The following PRKCH variants were observed in gnomAD, a reference collection of about 807,000 sequenced individuals.
PRKCH encodes protein kinase C eta, also known as protein kinase C eta type.
PRKCH carries 28 observed loss-of-function variants against 82.5 expected under a neutral mutation model. The observed-to-expected ratio is 0.34, with a 90% confidence interval of 0.25 to 0.47. PRKCH has a LOEUF of 0.47. Ranked by LOEUF, PRKCH falls within the 20% of genes least tolerant of loss-of-function variation. The pLI, the probability that PRKCH is intolerant of heterozygous loss-of-function variation, is 1.00. For synonymous variants in PRKCH, 322 were observed against 327.4 expected, an observed-to-expected ratio of 0.98 and a Z score of 0.18; for missense variants, 705 against 881.8, an observed-to-expected ratio of 0.80 and a Z score of 2.54.
At chr14:61,393,497 G>A (rs2046719440) in intron 2 of PRKCH, among the ~76,000 whole-genome samples, 1 of 152,182 alleles carries the variant, frequency 6.6e-6, no homozygotes, top group Admixed American at 6.5e-5. Context: ...GGTGTTTTAA[G>A]CCCATTAATT....
intron 9 of PRKCH, among the ~76,000 whole-genome samples, chr14:61,478,422 G>A (rs1885823956): frequency 6.6e-6 from 1 of 152,152 alleles, no homozygotes; most frequent in South Asian, 2.1e-4. Context: ...ATATAATGTA[G>A]TGGTACCAAT....
At chr14:61,440,516 T>C (rs1883906714) in intron 2 of PRKCH, among the ~76,000 whole-genome samples, 1 of 152,258 alleles carries the variant, frequency 6.6e-6, no homozygotes, top group Admixed American at 6.5e-5. Context: ...TGCATTTCAC[T>C]CTTTGAGATC....
chr14:61,324,431 A>T (rs2045669186), intron 1 of PRKCH, among the ~76,000 whole-genome samples: 1 of 152,196 alleles, frequency 6.6e-6, no homozygotes, highest in South Asian at 2.1e-4. Flanking sequence ...ATGCGTTTGC[A>T]TGCATCAGAA....
At chr14:61,218,088 C>A (rs2044627642) in intron 1 of PRKCH, among the ~76,000 whole-genome samples, 1 of 152,184 alleles carries the variant, frequency 6.6e-6, no homozygotes, top group Non-Finnish European at 1.5e-5. Context: ...ACTTCTCTTT[C>A]ATTTCTATTC....
intron 10 of PRKCH, among the ~76,000 whole-genome samples, chr14:61,521,437 A>G (rs2042905296): frequency 6.6e-6 from 1 of 152,172 alleles, no homozygotes; most frequent in Non-Finnish European, 1.5e-5. Context: ...TTTGTAAAAT[A>G]AGATTCTTAA....
intron 9 of PRKCH, among the ~76,000 whole-genome samples, chr14:61,471,370 T>C (rs1885496797): frequency 6.6e-6 from 1 of 152,212 alleles, no homozygotes; most frequent in African/African-American, 2.4e-5. Flanking sequence ...TTTTCTCTTC[T>C]GGAAGCTCAT....
chr14:61,471,898 A>C (rs1156870772), intron 9 of PRKCH, among the ~76,000 whole-genome samples: 1 of 152,118 alleles, frequency 6.6e-6, no homozygotes, highest in Non-Finnish European at 1.5e-5. Flanking sequence ...TGAAAAGTCA[A>C]ATGGGTTAGA....
chr14:61,294,374 C>T (rs1410324978), intron 1 of PRKCH, among the ~76,000 whole-genome samples: 1 of 152,130 alleles, frequency 6.6e-6, no homozygotes, highest in East Asian at 1.9e-4. Context: ...CCCGCCTCGG[C>T]CTCCCAAAGT....
intron 9 of PRKCH, among the ~76,000 whole-genome samples, chr14:61,469,721 T>C (rs1885413036): frequency 6.6e-6 from 1 of 152,230 alleles, no homozygotes; most frequent in Non-Finnish European, 1.5e-5. Context: ...CATCCATCTC[T>C]TCTAGGTCCG....
intron 1 of PRKCH, among the ~76,000 whole-genome samples, chr14:61,282,882 A>G (rs912170114): frequency 1.3e-5 from 2 of 152,192 alleles, no homozygotes; most frequent in African/African-American, 4.8e-5. Context: ...GCAAGTTCCC[A>G]CAGTGTGATC....
intron 10 of PRKCH, among the ~76,000 whole-genome samples, chr14:61,517,193 C>T (rs989514878): frequency 1.3e-5 from 2 of 152,278 alleles, no homozygotes; most frequent in South Asian, 4.1e-4. Context: ...TGAGGCTGGT[C>T]CCGTAAATTC....
chr14:61,202,142 C>G (rs2044486463), intron 1 of PRKCH, among the ~76,000 whole-genome samples: 2 of 152,178 alleles, frequency 1.3e-5, no homozygotes, highest in Admixed American at 1.3e-4. Flanking sequence ...ACCACAGCCC[C>G]CCAGGGGGCT....
intron 11 of PRKCH, 54 bp downstream of exon 11, chr14:61,529,267 A>T: frequency 6.5e-7 from 1 of 1,543,140 alleles, no homozygotes; most frequent in South Asian, 1.2e-5. Flanking sequence ...AGTAACTCTG[A>T]CCAGAAATGC....
intron 1 of PRKCH, among the ~76,000 whole-genome samples, chr14:61,198,634 T>C (rs950228785): frequency 6.6e-6 from 1 of 152,168 alleles, no homozygotes; most frequent in Non-Finnish European, 1.5e-5. Context: ...TGAAACATAG[T>C]AGATGTTCAA....
At chr14:61,214,341 A>G (rs1292450089) in intron 1 of PRKCH, among the ~76,000 whole-genome samples, 2 of 152,098 alleles carry the variant, frequency 1.3e-5, no homozygotes, top group African/African-American at 2.4e-5. Flanking sequence ...GTCAGGGTTA[A>G]GAGTTTGGAA....
chr14:61,303,419 C>T (rs903360058), intron 1 of PRKCH: 1 of 152,120 alleles, frequency 6.6e-6, no homozygotes, highest in African/African-American at 2.4e-5. Context: ...GATGAAATGA[C>T]CATTTTTCAT....
chr14:61,234,127 A>G (rs141309981), intron 1 of PRKCH, among the ~76,000 whole-genome samples: 3 of 152,180 alleles, frequency 2.0e-5, no homozygotes, highest in Non-Finnish European at 2.9e-5. Context: ...TTTTACCACT[A>G]GGCAATATAG....
chr14:61,296,262 G>C (rs577939135), intron 1 of PRKCH, among the ~76,000 whole-genome samples: 6 of 152,132 alleles, frequency 3.9e-5, no homozygotes, highest in African/African-American at 1.4e-4. Flanking sequence ...TGAGATCAAA[G>C]AGCCTTAATC....
At chr14:61,371,629 ATAAT>A (rs2046365051) in intron 1 of PRKCH, among the ~76,000 whole-genome samples, 1 of 152,116 alleles carries the variant, frequency 6.6e-6, no homozygotes, top group African/African-American at 2.4e-5. Flanking sequence ...TATCAATTGC[ATAAT>A]TAGCTTTTAC....
Sources: gnomAD v4.1 joint callset for allele counts (sites outside exome capture counted in the v4.1 genomes callset) on GRCh38, gnomAD v4.1.1 for gene constraint, MANE v1.5 for transcripts, NCBI Gene and HGNC (gene_info 2026-07-23, HGNC 2026-07-21) for gene names.